Variants in HPS5 observed in about 807,000 individuals in gnomAD.
The protein encoded by HPS5 is BLOC-2 complex member HPS5.
HPS5 carries 83 observed loss-of-function variants against 128.0 expected under a neutral mutation model. The observed-to-expected ratio is 0.65, with a 90% CI of 0.54 to 0.78. The LOEUF is 0.78. HPS5 is among the 30% of genes least tolerant of loss of function. The pLI, the probability that HPS5 is intolerant of heterozygous loss-of-function variation, is 0.00. For missense variants in HPS5, 1,281 were observed against 1,326.2 expected, an observed-to-expected ratio of 0.97 and a Z score of 0.53; for synonymous variants, 475 against 470.2, an observed-to-expected ratio of 1.01 and a Z score of -0.13.
Position 18,291,596 on chromosome 11 carries a change from G to A in HPS5, c.2286C>T (p.Asp762=). 2 of 1,613,920 alleles carry A rather than the reference G, an allele frequency of 1.2e-6. No homozygotes were observed. The highest frequency in any genetic ancestry group is 1.7e-6 in the Non-Finnish European group (2 of 1,179,846). The change falls in exon 16 of 23, where the codon GAC becomes GAT. Residue 762 remains aspartate (D), a synonymous_variant. Transcript: ENST00000349215. ...CAGGAGAGTACTGTTGCAAAGTGTG[G>A]TCCACATGTCCACTGGTGCTTTTGA... ...SKIKSTSGHV[D]HTLQQYSPEI... is the part of the protein sequence containing the mutation.
chr11:18,299,466 T>C (rs1316816019), intron 9 of HPS5, among the ~76,000 whole-genome samples: 5 of 152,236 alleles, frequency 3.3e-5, no homozygotes, highest in Non-Finnish European at 5.9e-5. Flanking sequence ...CACAAGAAAG[T>C]CACTGTTGAT....
chr11:18,289,134 G>T (rs1860097779), intron 16 of HPS5, among the ~76,000 whole-genome samples: 1 of 152,090 alleles, frequency 6.6e-6, no homozygotes, highest in African/African-American at 2.4e-5. Flanking sequence ...GAAGGGTGAG[G>T]CCTACTCACC....
rs547918739 is a variant in HPS5 at position 18,283,990 on chromosome 11, G to T, written c.2952-89C>A. 87 of 822,200 alleles carry T rather than the reference G, an allele frequency of 1.1e-4. No individual in the cohort carries two copies. In the African/African-American group the frequency reaches 1.5e-3, roughly 14 times the overall value. 50.9% of individuals were successfully genotyped at this position (822,200 alleles called of 1,614,324 possible). A position where few individuals can be genotyped will look rare whatever the true frequency, so the allele number is the denominator to read the frequency against. On this transcript the variant is annotated intron_variant, in intron 20 of 22. Coordinates refer to ENST00000349215, the MANE Select transcript of HPS5 (RefSeq NM_181507.2). ...CCCAAAACAGTAGACACAGTCACAT[G>T]TGGCTATTTCAATTTAAATTAATTA...
At chr11:18,321,707 G>A (rs1446468012) in intron 1 of HPS5, among the ~76,000 whole-genome samples, 1 of 152,218 alleles carries the variant, frequency 6.6e-6, no homozygotes, top group East Asian at 1.9e-4. Flanking sequence ...TTGAAGAAAT[G>A]AGAAGGGGAA....
rs1431137824 is a variant in HPS5 at position 18,292,888 on chromosome 11, A to G, written c.1862+11T>C. ...TGAGACGTCACTATAAAAGTTTCTCATTATACTCACATTGCTTCTGCTGTT... is the reference window on the plus strand; with the variant it reads ...TGAGACGTCACTATAAAAGTTTCTCGTTATACTCACATTGCTTCTGCTGTT... On this transcript the variant is annotated intron_variant, in intron 15 of 22. Coordinates refer to ENST00000349215, the MANE Select transcript of HPS5 (RefSeq NM_181507.2). 4.4e-6 allele frequency: 7 copies of G among 1,605,734 alleles called. No homozygotes were observed. In the East Asian group the frequency reaches 1.1e-4, roughly 26 times the overall value.
In HPS5 at chr11:18,291,856, C is replaced by A; in HGVS notation, c.2026G>T (p.Val676Phe). ...SMKLNQDVLLVNESKKGILDE... is the reference protein window; with the variant it reads ...SMKLNQDVLLFNESKKGILDE... ...AATATTCCCTTTTTTGATTCATTAA[C>A]TAATAGCACATCCTGGTTCAATTTC... Residue 676 changes from valine to phenylalanine, a missense_variant, in exon 16 of 23, where the codon GTT becomes TTT. Physicochemically the swap from Val to Phe is conservative, Grantham distance 50. Transcript: ENST00000349215. 1.2e-6 allele frequency: 2 copies of A among 1,607,458 alleles called. 1 individual carries two copies. The highest frequency in any genetic ancestry group is 2.2e-5 in the South Asian group (2 of 90,278).
intron 14 of HPS5, 29 bp downstream of exon 14, chr11:18,294,991 T>C: frequency 6.2e-7 from 1 of 1,613,062 alleles, no homozygotes; most frequent in Non-Finnish European, 8.5e-7. Context: ...TTCCCTAGAA[T>C]GTATAGAGAT....
At chr11:18,313,482 CT>C (rs912577793) in intron 2 of HPS5, among the ~76,000 whole-genome samples, 4 of 152,208 alleles carry the variant, frequency 2.6e-5, no homozygotes, top group African/African-American at 9.7e-5. Context: ...CAGAATCTGC[CT>C]CTTCTTTTCC....
At chr11:18,281,900 C>CTTCT (rs1192140357) in intron 22 of HPS5, 50 bp downstream of exon 22, 2 of 1,609,768 alleles carry the variant, frequency 1.2e-6, no homozygotes, top group African/African-American at 2.7e-5. Context: ...AGTCTGTGGC[C>CTTCT]TTCTACCTTC....
chr11:18,306,471 C>A, intron 6 of HPS5, 124 bp from the exon 7 acceptor site: 1 of 659,400 alleles, frequency 1.5e-6, no homozygotes, highest in Non-Finnish European at 2.7e-6. Flanking sequence ...TTCATATTAG[C>A]AATATACTGA....
intron 6 of HPS5, among the ~76,000 whole-genome samples, chr11:18,307,239 A>G (rs1862479766): frequency 6.6e-6 from 1 of 152,238 alleles, no homozygotes; most frequent in African/African-American, 2.4e-5. Context: ...CATAAACTCA[A>G]TCTCTTTTAT....
chr11:18,281,268 T>G (rs1858899963), intron 22 of HPS5, among the ~76,000 whole-genome samples: 1 of 150,810 alleles, frequency 6.6e-6, no homozygotes, highest in Non-Finnish European at 1.5e-5. Flanking sequence ...TTTTTTTTTT[T>G]TTTTTAGTAG....
intron 9 of HPS5, among the ~76,000 whole-genome samples, chr11:18,299,629 T>C (rs1334484194): frequency 1.3e-5 from 2 of 152,164 alleles, no homozygotes; most frequent in South Asian, 2.1e-4. Flanking sequence ...CCAAAGAATA[T>C]AGAGATTGAT....
rs1385130088 is a variant in HPS5 at position 18,298,924 on chromosome 11, G to A, written c.1032C>T (p.His344=). Residue 344 remains histidine (H), a synonymous_variant, in exon 10 of 23, where the codon CAC becomes CAT. Coordinates refer to ENST00000349215, the MANE Select transcript of HPS5 (RefSeq NM_181507.2). ...AVCRNELFCL[H]LNGKVSHLSL... The stretch of plus-strand genomic sequence containing the variant: ...AGAGATGTGAGACTTTCCCATTTAG[G>A]TGCAAACAGAACAATTCATTCCTAC... 2 of 1,614,160 alleles carry A rather than the reference G, an allele frequency of 1.2e-6. No homozygotes were observed. The highest frequency in any genetic ancestry group is 1.7e-6 in the Non-Finnish European group (2 of 1,180,018).
At chr11:18,311,871 A>C in intron 3 of HPS5, 43 bp downstream of exon 3, 1 of 1,251,274 alleles carries the variant, frequency 8.0e-7, no homozygotes, top group Non-Finnish European at 1.2e-6. Context: ...CATTTATGAA[A>C]GAGACTCCAA....
At chr11:18,298,111 T>A (rs1861294775) in intron 10 of HPS5, among the ~76,000 whole-genome samples, 1 of 148,100 alleles carries the variant, frequency 6.8e-6, no homozygotes, top group Admixed American at 6.8e-5. Context: ...AAAAAAGAAA[T>A]AAGTCTAATA....
chr11:18,316,476 G>C (rs1317661156), intron 2 of HPS5, among the ~76,000 whole-genome samples: 1 of 152,128 alleles, frequency 6.6e-6, no homozygotes, highest in East Asian at 1.9e-4. Context: ...ATTACTTTCT[G>C]AGAGAAGACA....
chr11:18,288,870 G>A (rs1482162050), intron 16 of HPS5, among the ~76,000 whole-genome samples: 3 of 151,734 alleles, frequency 2.0e-5, no homozygotes, highest in East Asian at 1.9e-4. Flanking sequence ...CAATACCTGG[G>A]TGTGTGCATG....
intron 8 of HPS5, among the ~76,000 whole-genome samples, chr11:18,302,543 A>C (rs555986625): frequency 6.6e-6 from 1 of 152,154 alleles, no homozygotes; most frequent in Non-Finnish European, 1.5e-5. Flanking sequence ...AATAAATCAT[A>C]TCTCTCTAAT....
Sources: gnomAD v4.1 joint callset for allele counts (sites outside exome capture counted in the v4.1 genomes callset) on GRCh38, gnomAD v4.1.1 for gene constraint, MANE v1.5 for transcripts, NCBI Gene and HGNC (gene_info 2026-07-23, HGNC 2026-07-21) for gene names.